PDPN: variants seen among roughly 807,000 people sequenced by gnomAD.
PDPN encodes the protein PA2.26 antigen.
PDPN carries 12 observed loss-of-function variants against 23.2 expected under a neutral mutation model. The ratio of observed to expected loss-of-function variants is 0.52; its 90% CI spans 0.33 to 0.84. The LOEUF is 0.84. Among genes scored for constraint, PDPN ranks in the 40% least tolerant of loss-of-function variants. The pLI, the probability that PDPN is intolerant of heterozygous loss-of-function variation, is 0.02. For synonymous variants in PDPN, 77 were observed against 76.7 expected, an observed-to-expected ratio of 1.00 and a Z score of -0.02; for missense variants, 199 against 212.2, an observed-to-expected ratio of 0.94 and a Z score of 0.39.
intron 1 of PDPN, among the ~76,000 whole-genome samples, chr1:13,603,607 A>G (rs1003790841): frequency 4.8e-5 from 7 of 145,278 alleles, no homozygotes; most frequent in African/African-American, 1.8e-4. Flanking sequence ...TTTTTTTTTT[A>G]AGACAGAGTC....
chr1:13,611,910 C>T (rs1429211721), intron 3 of PDPN, among the ~76,000 whole-genome samples: 2 of 152,150 alleles, frequency 1.3e-5, no homozygotes, highest in African/African-American at 4.8e-5. Context: ...CATTGGAAAA[C>T]ATTTCAAAAT....
chr1:13,594,575 C>T (rs1252203675), intron 1 of PDPN, among the ~76,000 whole-genome samples: 1 of 152,184 alleles, frequency 6.6e-6, no homozygotes, highest in African/African-American at 2.4e-5. Flanking sequence ...GAATAGATGG[C>T]AATGTCTAAT....
chr1:13,601,434 G>T (rs187188495), intron 1 of PDPN, among the ~76,000 whole-genome samples: 40 of 152,354 alleles, frequency 2.6e-4, no homozygotes, highest in Admixed American at 2.6e-3. Flanking sequence ...TTGGCTCCCT[G>T]CAACGTCTGC....
At chr1:13,591,298 T>C (rs1057250701) in intron 1 of PDPN, among the ~76,000 whole-genome samples, 29 of 152,220 alleles carry the variant, frequency 1.9e-4, no homozygotes, top group African/African-American at 6.8e-4. Context: ...TTTCTTGACT[T>C]GTTACTAGTC....
At chr1:13,612,833 A>G (rs1248068571) in intron 3 of PDPN, among the ~76,000 whole-genome samples, 1 of 152,026 alleles carries the variant, frequency 6.6e-6, no homozygotes, top group Non-Finnish European at 1.5e-5. Flanking sequence ...TATCTGGGGT[A>G]TTTTGCAAGC....
Position 13,615,932 on chromosome 1 carries a change from T to A in PDPN, c.*21T>A, listed in dbSNP as rs1641061399. Reference sequence around the variant, plus strand: ...CCTAAAGAGCTGAAGGGTTACGCCCTGCTGCCAACGTGCTTAAAAAAAGAC... The same window carrying A: ...CCTAAAGAGCTGAAGGGTTACGCCCAGCTGCCAACGTGCTTAAAAAAAGAC... On this transcript the variant is annotated 3_prime_UTR_variant, in exon 6 of 6. Transcript: ENST00000621990. The A allele has an allele frequency of 1.9e-6, 3 of 1,612,120 alleles. No individual in the cohort carries two copies. The highest frequency in any genetic ancestry group is 2.5e-6 in the Non-Finnish European group (3 of 1,178,178).
intron 1 of PDPN, among the ~76,000 whole-genome samples, chr1:13,591,510 A>G (rs1484411746): frequency 1.3e-5 from 2 of 151,504 alleles, no homozygotes; most frequent in African/African-American, 4.9e-5. Context: ...AGTCATTCCC[A>G]TTTCCTCCTC....
chr1:13,613,287 TCA>T (rs1640981264), intron 3 of PDPN, among the ~76,000 whole-genome samples: 1 of 152,198 alleles, frequency 6.6e-6, no homozygotes, highest in Non-Finnish European at 1.5e-5. Context: ...TAATACCTCT[TCA>T]CAGTCTGTCC....
chr1:13,585,485 T>C, intron 1 of PDPN: 1 of 1,337,466 alleles, frequency 7.5e-7, no homozygotes, highest in Non-Finnish European at 9.8e-7. Context: ...AATGTGCAAA[T>C]GACACCGTTT....
chr1:13,610,745 C>A (rs1409020580), intron 3 of PDPN, among the ~76,000 whole-genome samples: 5 of 152,218 alleles, frequency 3.3e-5, no homozygotes, highest in African/African-American at 1.2e-4. Context: ...ATAACACCTG[C>A]ACAGGGTGAG....
intron 2 of PDPN, among the ~76,000 whole-genome samples, chr1:13,609,415 C>T (rs1640877168): frequency 6.6e-6 from 1 of 152,080 alleles, no homozygotes; most frequent in African/African-American, 2.4e-5. Context: ...ATAGGAGGTG[C>T]TCATTAGCAT....
intron 1 of PDPN, chr1:13,595,711 G>T: frequency 2.1e-6 from 1 of 466,006 alleles, no homozygotes; most frequent in South Asian, 1.6e-5. Flanking sequence ...GGGTTGACAG[G>T]ACCTGCCACA....
In PDPN at chr1:13,610,390, G is replaced by A; in HGVS notation, c.205G>A (p.Ala69Thr). The A allele has an allele frequency of 6.2e-7, 1 of 1,612,638 alleles. No homozygotes were observed. The highest frequency in any genetic ancestry group is 2.2e-5 in the East Asian group (1 of 44,844). Residue 69 changes from alanine (A) to threonine (T), a missense_variant, in exon 3 of 6, where the codon GCA becomes ACA. Physicochemically the swap from Ala to Thr is moderately conservative, Grantham distance 58. Coordinates refer to ENST00000621990, the MANE Select transcript of PDPN (RefSeq NM_006474.5). ...TCCTCATTTACACCTACAATAGGTG[G>A]CAACAAGTGTCAACAGTGTAACAGG... Reference protein sequence around the residue: ...RYKSGLTTLVATSVNSVTGIR... With the variant: ...RYKSGLTTLVTTSVNSVTGIR...
At chr1:13,589,395 C>T (rs890630444) in intron 1 of PDPN, among the ~76,000 whole-genome samples, 1 of 152,134 alleles carries the variant, frequency 6.6e-6, no homozygotes, top group African/African-American at 2.4e-5. Flanking sequence ...AGCCAAATCT[C>T]CCCATAAGAT....
chr1:13,615,502 G>T (rs923596476), intron 5 of PDPN, among the ~76,000 whole-genome samples: 39 of 152,094 alleles, frequency 2.6e-4, no homozygotes, highest in African/African-American at 8.2e-4. Flanking sequence ...TGGCCAGGAT[G>T]GTCTCAATCT....
chr1:13,614,802 A>C (rs1401938192), intron 5 of PDPN: 1 of 515,560 alleles, frequency 1.9e-6, no homozygotes, highest in African/African-American at 1.9e-5. Context: ...AATAAGAAAG[A>C]GCCTCTTCAT....
intron 3 of PDPN, among the ~76,000 whole-genome samples, chr1:13,613,388 T>G (rs994299211): frequency 6.6e-6 from 1 of 152,202 alleles, no homozygotes; most frequent in African/African-American, 2.4e-5. Context: ...ATCATTTATT[T>G]AAGATCTTTG....
intron 1 of PDPN, chr1:13,584,360 C>T (rs1034847227): frequency 7.0e-7 from 1 of 1,437,048 alleles, no homozygotes; most frequent in African/African-American, 1.4e-5. Context: ...CACAGGGGGC[C>T]TCCCTCCGAG....
chr1:13,604,939 G>A (rs1249497171), intron 1 of PDPN, among the ~76,000 whole-genome samples: 2 of 152,096 alleles, frequency 1.3e-5, no homozygotes, highest in African/African-American at 4.8e-5. Flanking sequence ...TTGCATGCAT[G>A]GAAATATTCG....
Sources: gnomAD v4.1 joint callset for allele counts (sites outside exome capture counted in the v4.1 genomes callset) on GRCh38, gnomAD v4.1.1 for gene constraint, MANE v1.5 for transcripts, NCBI Gene and HGNC (gene_info 2026-07-23, HGNC 2026-07-21) for gene names.